The following LEMD1 variants were observed in gnomAD, a reference collection of about 807,000 sequenced individuals.
The protein encoded by LEMD1 is LEM domain containing 1, also known as LEM domain-containing protein 1.
A neutral mutation model predicts 17.4 loss-of-function variants in LEMD1; 18 were observed. That is an observed-to-expected ratio of 1.04 (90% CI 0.72 to 1.54). The LOEUF (loss-of-function observed/expected upper bound fraction) is 1.54, where lower values mean the gene tolerates loss of function less well. Ranked by LOEUF, LEMD1 falls within the 40% of genes most tolerant of loss-of-function variation. The pLI, the probability that LEMD1 is intolerant of heterozygous loss-of-function variation, is 0.00. For synonymous variants in LEMD1, 88 were observed against 77.8 expected, an observed-to-expected ratio of 1.13 and a Z score of -0.69; for missense variants, 195 against 210.4, an observed-to-expected ratio of 0.93 and a Z score of 0.45.
intron 5 of LEMD1, among the ~76,000 whole-genome samples, chr1:205,383,658 G>C (rs1289371230): frequency 1.4e-5 from 2 of 141,162 alleles, no homozygotes; most frequent in Non-Finnish European, 3.0e-5. Flanking sequence ...TTTTGAGGCA[G>C]AGTCTCGCTC....
intron 4 of LEMD1, among the ~76,000 whole-genome samples, chr1:205,415,270 G>C (rs1371619960): frequency 1.3e-5 from 2 of 152,178 alleles, no homozygotes; most frequent in East Asian, 1.9e-4. Context: ...AGCGAGGAAG[G>C]AAGGGAAAGA....
chr1:205,406,039 C>T (rs1665080658), intron 4 of LEMD1, among the ~76,000 whole-genome samples: 1 of 152,240 alleles, frequency 6.6e-6, no homozygotes, highest in African/African-American at 2.4e-5. Flanking sequence ...TCCACGAATG[C>T]TGCTGTCTGA....
intron 1 of LEMD1, among the ~76,000 whole-genome samples, chr1:205,431,908 G>T (rs1452365495): frequency 6.6e-6 from 1 of 152,050 alleles, no homozygotes; most frequent in Non-Finnish European, 1.5e-5. Context: ...ATAGAGACGG[G>T]GTTTCACCAT....
intron 4 of LEMD1, among the ~76,000 whole-genome samples, chr1:205,413,026 T>C (rs1199637049): frequency 6.6e-6 from 1 of 152,356 alleles, no homozygotes; most frequent in East Asian, 1.9e-4. Context: ...TGGTATGATA[T>C]CAGAATTACT....
At chr1:205,390,051 G>A (rs1664255212) in intron 4 of LEMD1, among the ~76,000 whole-genome samples, 1 of 150,976 alleles carries the variant, frequency 6.6e-6, no homozygotes, top group South Asian at 2.1e-4. Context: ...CTCCATTCCT[G>A]GTTTTTAAAA....
intron 4 of LEMD1, among the ~76,000 whole-genome samples, chr1:205,407,113 C>T (rs543664122): frequency 6.6e-5 from 10 of 152,028 alleles, no homozygotes; most frequent in East Asian, 1.9e-4. Context: ...GGGTGGATCA[C>T]GAGGTCAGGA....
At chr1:205,433,375 T>G (rs1666155263) in intron 1 of LEMD1, among the ~76,000 whole-genome samples, 1 of 152,040 alleles carries the variant, frequency 6.6e-6, no homozygotes, top group South Asian at 2.1e-4. Flanking sequence ...GAGAATCGCT[T>G]GAGCCCAACA....
chr1:205,414,573 C>T (rs926076949), intron 4 of LEMD1, among the ~76,000 whole-genome samples: 7 of 152,082 alleles, frequency 4.6e-5, no homozygotes, highest in Admixed American at 2.6e-4. Flanking sequence ...CACAGGTGTG[C>T]ACCACCACAC....
At chr1:205,399,768 G>T (rs572093578) in intron 4 of LEMD1, among the ~76,000 whole-genome samples, 3 of 152,340 alleles carry the variant, frequency 2.0e-5, no homozygotes, top group Admixed American at 6.5e-5. Flanking sequence ...TGGATGAAAA[G>T]AAATCAATGA....
At chr1:205,437,650 C>T (rs1666230821) in intron 1 of LEMD1, 1 of 152,262 alleles carries the variant, frequency 6.6e-6, no homozygotes, top group South Asian at 2.1e-4. Flanking sequence ...AACCTGCGAC[C>T]CTCTGGTTCC....
At chr1:205,405,524 A>G (rs1665051559) in intron 4 of LEMD1, among the ~76,000 whole-genome samples, 1 of 141,232 alleles carries the variant, frequency 7.1e-6, no homozygotes, top group African/African-American at 2.7e-5. Flanking sequence ...TTCTTCAAGT[A>G]GTTCTTGAGC....
At chr1:205,416,104 A>T in intron 4 of LEMD1, 128 bp downstream of exon 4, 1 of 580,382 alleles carries the variant, frequency 1.7e-6, no homozygotes, top group South Asian at 2.8e-5. Flanking sequence ...GATCCTCTTT[A>T]AACTAGGATT....
At chr1:205,411,353 G>C (rs994002422) in intron 4 of LEMD1, among the ~76,000 whole-genome samples, 1 of 151,888 alleles carries the variant, frequency 6.6e-6, no homozygotes, top group African/African-American at 2.4e-5. Context: ...GGATCACGAG[G>C]TCAGGAGATC....
chr1:205,423,509 G>C (rs1379751707), upstream of LEMD1, among the ~76,000 whole-genome samples: 1 of 152,140 alleles, frequency 6.6e-6, no homozygotes, highest in Non-Finnish European at 1.5e-5. Context: ...ATATTTTCTT[G>C]GTTAAATCTC....
chr1:205,430,781 G>A (rs1021583227), intron 1 of LEMD1, among the ~76,000 whole-genome samples: 3 of 152,220 alleles, frequency 2.0e-5, no homozygotes, highest in Non-Finnish European at 4.4e-5. Context: ...CGCGGCTCCA[G>A]CCGCCCTCCC....
chr1:205,394,991 A>C (rs1664523343), intron 4 of LEMD1, among the ~76,000 whole-genome samples: 1 of 152,036 alleles, frequency 6.6e-6, no homozygotes, highest in Non-Finnish European at 1.5e-5. Context: ...CTTCTCAAAA[A>C]AAAAAAAAAG....
At chr1:205,393,389 AG>A (rs5780279) in intron 4 of LEMD1, among the ~76,000 whole-genome samples, 90,605 of 149,160 alleles carry the variant, frequency 0.61, 27,740 homozygotes, top group African/African-American at 0.73. Flanking sequence ...AAAAAAAAAA[AG>A]GAAGACCGGG....
chr1:205,383,566 TGACCTATTGAAC>T (rs912008361), intron 5 of LEMD1, among the ~76,000 whole-genome samples: 14 of 152,300 alleles, frequency 9.2e-5, no homozygotes, highest in African/African-American at 3.4e-4. Context: ...GCCACTCTTC[TGACCTATTGAAC>T]CCTAGGTCTT....
chr1:205,420,013 T>C (rs905985878), intron 2 of LEMD1, among the ~76,000 whole-genome samples: 8 of 152,182 alleles, frequency 5.3e-5, no homozygotes, highest in Admixed American at 5.2e-4. Flanking sequence ...GGTTTTTCAC[T>C]GATGAAAAAC....
Sources: allele counts gnomAD v4.1 joint callset (sites outside exome capture counted in the v4.1 genomes callset), GRCh38; gene constraint gnomAD v4.1.1; transcripts MANE v1.5; gene names NCBI Gene and HGNC (gene_info 2026-07-23, HGNC 2026-07-21).